PRKN: variants seen among roughly 807,000 people sequenced by gnomAD.
PRKN encodes the protein parkin RBR E3 ubiquitin protein ligase, also known as E3 ubiquitin-protein ligase parkin.
A neutral mutation model predicts 59.5 loss-of-function variants in PRKN; 56 were observed. The observed-to-expected ratio is 0.94, with a 90% CI of 0.76 to 1.18. The LOEUF is 1.18. PRKN is among the 50% of genes most tolerant of loss of function. The pLI is 0.00. For synonymous variants in PRKN, 250 were observed against 222.1 expected, an observed-to-expected ratio of 1.13 and a Z score of -1.12; for missense variants, 657 against 596.4, an observed-to-expected ratio of 1.10 and a Z score of -1.06.
intron 7 of PRKN, among the ~76,000 whole-genome samples, chr6:161,658,074 T>C (rs1784420206): frequency 6.7e-6 from 1 of 148,266 alleles, no homozygotes; most frequent in African/African-American, 2.5e-5. Context: ...TTGAAACTAC[T>C]CACATTTTAA....
chr6:161,889,211 C>G (rs1483849157), intron 6 of PRKN, among the ~76,000 whole-genome samples: 2 of 152,000 alleles, frequency 1.3e-5, no homozygotes, highest in African/African-American at 4.8e-5. Context: ...ATCTGAGGGT[C>G]ACCGAAGAAA....
chr6:161,822,062 T>G (rs994042762), intron 6 of PRKN, among the ~76,000 whole-genome samples: 6 of 152,134 alleles, frequency 3.9e-5, no homozygotes, highest in African/African-American at 1.4e-4. Context: ...CTATTGACAT[T>G]TCTATTGATA....
At chr6:162,025,715 A>C (rs1783408880) in intron 5 of PRKN, among the ~76,000 whole-genome samples, 2 of 146,590 alleles carry the variant, frequency 1.4e-5, no homozygotes, top group South Asian at 4.3e-4. Flanking sequence ...CAGCCTCCTG[A>C]GTAGCTGGGA....
chr6:161,757,871 C>CTCTCTCTCTCTCTCTCTCTCTCTG lies in PRKN; in HGVS notation c.871+27900_871+27901insCAGAGAGAGAGAGAGAGAGAGAGA, dbSNP rs1380898753. ...TCTCTCTCTCTCTCTCTCTCTCTCT[C>CTCTCTCTCTCTCTCTCTCTCTCTG]TGTGTATATATATATACACACACAC... On this transcript the variant is annotated intron_variant, in intron 7 of 11. Transcript: ENST00000366898. 3.0e-3 allele frequency among the ~76,000 whole-genome samples: 292 copies of CTCTCTCTCTCTCTCTCTCTCTCTG among 97,932 alleles called. 13 individuals carry two copies. Among genetic ancestry groups the CTCTCTCTCTCTCTCTCTCTCTCTG allele is most frequent in the African/African-American group, 6.8e-3 (151 of 22,334 alleles). 64.2% of individuals were successfully genotyped at this position (97,932 alleles called of 152,430 possible).
At chr6:162,581,777 A>C (rs1424222667) in intron 1 of PRKN, among the ~76,000 whole-genome samples, 5 of 151,436 alleles carry the variant, frequency 3.3e-5, no homozygotes. Context: ...ATATATACTT[A>C]ACTTAGATTT....
rs530092788 is a variant in PRKN, at chr6:162,443,419, G to A, written c.62C>T (p.Thr21Ile). 6.2e-7 allele frequency: 1 copy of A among 1,614,070 alleles called. No individual in the cohort carries two copies. The highest frequency in any genetic ancestry group is 1.7e-5 in the Admixed American group (1 of 60,024). The change falls in exon 2 of 12, where the codon ACC (threonine) becomes ATC (isoleucine). Residue 21 changes from threonine to isoleucine, a missense_variant. Transcript: ENST00000366898. Reference protein sequence around the residue: ...HGFPVEVDSDTSIFQLKEVVA... With the variant: ...HGFPVEVDSDISIFQLKEVVA... ...CACCTCCTTGAGCTGGAAGATGCTG[G>A]TGTCAGAATCGACCTCCACTGGGAA...
chr6:161,757,869 C>G (rs142339937), intron 7 of PRKN, among the ~76,000 whole-genome samples: 36,650 of 105,446 alleles, frequency 0.35, 8,183 homozygotes, highest in South Asian at 0.49. Flanking sequence ...CTCTCTCTCT[C>G]TCTGTGTATA....
At chr6:161,609,575 G>A (rs896568510) in intron 7 of PRKN, among the ~76,000 whole-genome samples, 4 of 152,190 alleles carry the variant, frequency 2.6e-5, no homozygotes, top group African/African-American at 9.7e-5. Context: ...TAACAGAAAA[G>A]CTTCTAGGAG....
At chr6:162,025,039 G>A (rs1372832407) in intron 5 of PRKN, among the ~76,000 whole-genome samples, 3 of 137,996 alleles carry the variant, frequency 2.2e-5, no homozygotes, top group East Asian at 2.1e-4. Flanking sequence ...TTTTTGAGAC[G>A]GAGTCTCGCT....
intron 1 of PRKN, among the ~76,000 whole-genome samples, chr6:162,528,802 TAAAACAAAAC>T (rs111353940): frequency 0.35 from 53,312 of 151,414 alleles, 11,190 homozygotes; most frequent in Middle Eastern, 0.51. Context: ...TGTCTCTAAT[TAAAACAAAAC>T]AAAACAAAAC....
chr6:162,536,240 G>A (rs1198174922), intron 1 of PRKN, among the ~76,000 whole-genome samples: 1 of 152,086 alleles, frequency 6.6e-6, no homozygotes, highest in Non-Finnish European at 1.5e-5. Context: ...ACTCAGCAAT[G>A]CCTTCACTAT....
At chr6:162,724,578 A>G (rs995218537) in intron 1 of PRKN, among the ~76,000 whole-genome samples, 29 of 152,224 alleles carry the variant, frequency 1.9e-4, no homozygotes, top group Non-Finnish European at 2.9e-4. Flanking sequence ...GAGGCGGGAA[A>G]TTAAAGAACA....
intron 1 of PRKN, among the ~76,000 whole-genome samples, chr6:162,692,205 G>T (rs1474790185): frequency 6.6e-6 from 1 of 150,460 alleles, no homozygotes; most frequent in Non-Finnish European, 1.5e-5. Flanking sequence ...TGGTTGTCCA[G>T]ACAGTTGAAC....
chr6:161,462,712 T>C lies in PRKN; in HGVS notation c.1084-75835A>G, dbSNP rs1790279024. Among the ~76,000 whole-genome samples, 1 of 152,220 alleles carries C rather than the reference T, an allele frequency of 6.6e-6. No individual in the cohort carries two copies. The highest frequency in any genetic ancestry group is 6.5e-5 in the Admixed American group (1 of 15,282). On this transcript the variant is annotated intron_variant, in intron 9 of 11. Transcript: ENST00000366898. This position sits in a 1 kb window ranked among gnomAD's most constrained non-coding sequence, Gnocchi z 4.5. ...ATAAGCTGAATTCGTTGGGAATTGC[T>C]GCTAAAACATTCTGTAGCTGGAAAA... is the stretch of plus-strand genomic sequence containing the variant.
chr6:162,239,776 C>T (rs571366385), intron 3 of PRKN, among the ~76,000 whole-genome samples: 57 of 151,928 alleles, frequency 3.8e-4, no homozygotes, highest in African/African-American at 1.3e-3. Context: ...CCAGCTGAAA[C>T]GGGTGTTCTC....
chr6:161,596,591 T>C (rs1350282785), intron 7 of PRKN, among the ~76,000 whole-genome samples: 1 of 152,110 alleles, frequency 6.6e-6, no homozygotes, highest in Non-Finnish European at 1.5e-5. Flanking sequence ...CCCAGCGATA[T>C]CGACAAGAAA....
intron 1 of PRKN, among the ~76,000 whole-genome samples, chr6:162,722,648 C>T (rs1461578133): frequency 6.6e-6 from 1 of 152,168 alleles, no homozygotes; most frequent in African/African-American, 2.4e-5. Context: ...ATTAAAACTG[C>T]TTTCATGAAT....
chr6:162,421,279 A>ATTTTAT (rs3081922), intron 2 of PRKN, among the ~76,000 whole-genome samples: 77,901 of 151,652 alleles, frequency 0.51, 20,346 homozygotes, highest in East Asian at 0.68. Context: ...GCCTAACATT[A>ATTTTAT]TTACCCTCAC....
intron 7 of PRKN, among the ~76,000 whole-genome samples, chr6:161,748,479 C>A (rs565005829): frequency 6.6e-6 from 1 of 151,972 alleles, no homozygotes; most frequent in Admixed American, 6.6e-5. Context: ...AACTCCCACC[C>A]GCGCTTTGAT....
Sources: gnomAD v4.1 joint callset for allele counts (sites outside exome capture counted in the v4.1 genomes callset) on GRCh38, gnomAD v4.1.1 for gene constraint, Gnocchi (gnomAD v3.1) non-coding constraint, MANE v1.5 for transcripts, NCBI Gene and HGNC (gene_info 2026-07-23, HGNC 2026-07-21) for gene names.